ASIC2: variants seen among roughly 807,000 people sequenced by gnomAD.
ASIC2 encodes acid sensing ion channel subunit 2.
ASIC2 carries 25 observed loss-of-function variants against 57.3 expected under a neutral mutation model. The observed-to-expected ratio is 0.44, with a 90% confidence interval of 0.32 to 0.61. The LOEUF is 0.61. ASIC2 is among the 20% of genes least tolerant of loss of function. The pLI is 0.06. For missense variants in ASIC2, 641 were observed against 738.1 expected (o/e 0.87, Z 1.52); for synonymous variants, 319 against 307.5 (o/e 1.04, Z -0.39).
intron 6 of ASIC2, among the ~76,000 whole-genome samples, chr17:33,022,317 T>C (rs904851705): frequency 4.6e-5 from 7 of 152,174 alleles, no homozygotes; most frequent in African/African-American, 1.4e-4. Flanking sequence ...CACTCCCCAG[T>C]CACAGGCTGC....
chr17:34,034,130 G>A (rs546598230), intron 1 of ASIC2, among the ~76,000 whole-genome samples: 32 of 151,772 alleles, frequency 2.1e-4, no homozygotes, highest in Non-Finnish European at 4.0e-4. Flanking sequence ...CTGGCAAACC[G>A]AATCCAGCAG....
rs556924135 is a variant in ASIC2 at position 34,043,644 on chromosome 17, T to C, written c.555+112334A>G. Among the ~76,000 whole-genome samples the C allele has an allele frequency of 2.0e-5, 3 of 152,372 alleles. No homozygotes were observed. In the South Asian group the frequency reaches 6.2e-4, roughly 32 times the overall value. ...AAGTAGACATTCAGCAAATGTTTACTTGAGTGAATTTAAAACACTTTTACC... is the reference window on the plus strand; with the variant it reads ...AAGTAGACATTCAGCAAATGTTTACCTGAGTGAATTTAAAACACTTTTACC... On this transcript the variant is annotated intron_variant, in intron 1 of 9. Transcript: ENST00000359872.
intron 1 of ASIC2, among the ~76,000 whole-genome samples, chr17:33,742,604 T>G (rs962740722): frequency 6.6e-6 from 1 of 152,198 alleles, no homozygotes; most frequent in African/African-American, 2.4e-5. Context: ...TGGATAAATT[T>G]ACGGAACAAT....
intron 1 of ASIC2, among the ~76,000 whole-genome samples, chr17:34,033,041 C>T (rs147212268): frequency 0.024 from 3,594 of 152,276 alleles, 60 homozygotes; most frequent in Non-Finnish European, 0.036. Context: ...AACTCTCCAC[C>T]CCAAATCAAC....
intron 1 of ASIC2, among the ~76,000 whole-genome samples, chr17:33,899,012 A>G (rs1915171346): frequency 6.6e-6 from 1 of 152,120 alleles, no homozygotes; most frequent in South Asian, 2.1e-4. Context: ...CTCCGAGGTA[A>G]AGATCCTCAA....
At chr17:33,852,992 C>G (rs978940470) in intron 1 of ASIC2, among the ~76,000 whole-genome samples, 21 of 152,212 alleles carry the variant, frequency 1.4e-4, no homozygotes, top group African/African-American at 3.6e-4. Context: ...GCCTTTCCCC[C>G]CCGTCATAGA....
At chr17:33,016,177 G>T in intron 8 of ASIC2, 138 bp from the exon 9 acceptor site, 1 of 715,734 alleles carries the variant, frequency 1.4e-6, no homozygotes, top group Non-Finnish European at 2.3e-6. Context: ...GCCCAGCCTG[G>T]CAGCCAGCTC....
intron 1 of ASIC2, among the ~76,000 whole-genome samples, chr17:33,188,791 C>T (rs1232574016): frequency 6.6e-6 from 1 of 151,942 alleles, no homozygotes; most frequent in Non-Finnish European, 1.5e-5. Flanking sequence ...ACAATTACCA[C>T]ATGAAATACT....
rs368650400 is a variant in ASIC2 at position 33,886,302 on chromosome 17, C to T, written c.555+269676G>A. Among the ~76,000 whole-genome samples the T allele has an allele frequency of 9.2e-5, 14 of 152,164 alleles. No individual in the cohort carries two copies. The East Asian group carries it at 1.7e-3, about 19-fold the overall frequency. ...ATCTCATTGGCCAAGGTAAGACACA[C>T]GACCCTTTTTGATGTCAGGGGGCAG... On this transcript the variant is annotated intron_variant, in intron 1 of 9. Coordinates refer to the ASIC2 transcript ENST00000359872.
chr17:33,727,720 T>C (rs1171687711), intron 1 of ASIC2, among the ~76,000 whole-genome samples: 2 of 152,244 alleles, frequency 1.3e-5, no homozygotes, highest in Non-Finnish European at 2.9e-5. Context: ...CTTCCTTTAC[T>C]GTCTGCAGAA....
intron 1 of ASIC2, among the ~76,000 whole-genome samples, chr17:33,861,712 C>T (rs1421107244): frequency 6.6e-6 from 1 of 152,150 alleles, no homozygotes; most frequent in East Asian, 1.9e-4. Context: ...AATAATTTTC[C>T]ACAATTGTTT....
At position 33,963,966 on chromosome 17, in the gene ASIC2, T is replaced by C. The variant is rs990863291; in HGVS notation, c.555+192012A>G. ...CCACTGGATGACCTTGACAAAGTCA[T>C]TTGTTTTCTTTGAGCTTCAGTCTCC... On this transcript the variant is annotated intron_variant, in intron 1 of 9. Transcript: ENST00000359872. Among the ~76,000 whole-genome samples, 3 of 152,226 alleles carry C rather than the reference T, an allele frequency of 2.0e-5. No homozygotes were observed. The South Asian group carries it at 6.2e-4, about 31-fold the overall frequency.
intron 2 of ASIC2, among the ~76,000 whole-genome samples, chr17:33,095,323 TC>T (rs1357585741): frequency 6.6e-6 from 1 of 152,164 alleles, no homozygotes; most frequent in Non-Finnish European, 1.5e-5. Flanking sequence ...CTCGACATTT[TC>T]CCTCCATTCG....
intron 1 of ASIC2, among the ~76,000 whole-genome samples, chr17:33,370,917 A>C (rs1384877787): frequency 6.6e-6 from 1 of 152,220 alleles, no homozygotes; most frequent in Non-Finnish European, 1.5e-5. Flanking sequence ...AAGTTTATTA[A>C]GAAAATAAAG....
At chr17:33,736,879 C>A (rs1909928841) in intron 1 of ASIC2, among the ~76,000 whole-genome samples, 2 of 152,218 alleles carry the variant, frequency 1.3e-5, no homozygotes, top group African/African-American at 4.8e-5. Context: ...ATATCATGGG[C>A]ATGTTTTTGG....
chr17:33,107,691 G>T (rs191049390), intron 2 of ASIC2, among the ~76,000 whole-genome samples: 8 of 152,348 alleles, frequency 5.3e-5, no homozygotes, highest in Admixed American at 2.6e-4. Context: ...AGCCCATAGG[G>T]CTGGGTCTAC....
intron 1 of ASIC2, among the ~76,000 whole-genome samples, chr17:34,025,380 A>G (rs947104686): frequency 1.3e-5 from 2 of 152,154 alleles, no homozygotes; most frequent in Non-Finnish European, 2.9e-5. Context: ...ATACCTTAGA[A>G]AGTTGCACCC....
intron 1 of ASIC2, among the ~76,000 whole-genome samples, chr17:33,648,986 T>C (rs1906835681): frequency 1.3e-5 from 2 of 152,214 alleles, no homozygotes; most frequent in Admixed American, 1.3e-4. Flanking sequence ...ACCGAATACC[T>C]TCCCCCTAAG....
At chr17:33,062,639 T>C (rs900975789) in intron 3 of ASIC2, among the ~76,000 whole-genome samples, 148 of 152,316 alleles carry the variant, frequency 9.7e-4, no homozygotes, top group African/African-American at 3.3e-3. Context: ...GTATATTCTG[T>C]TGATTTGGGG....
Sources: gnomAD v4.1 joint callset for allele counts (sites outside exome capture counted in the v4.1 genomes callset) on GRCh38, gnomAD v4.1.1 for gene constraint, MANE v1.5 for transcripts, NCBI Gene and HGNC (gene_info 2026-07-23, HGNC 2026-07-21) for gene names.